The following GRK5 variants were observed in gnomAD, a reference collection of about 807,000 sequenced individuals.
The protein encoded by GRK5 is g protein-coupled receptor kinase GRK5.
A neutral mutation model predicts 78.4 loss-of-function variants in GRK5; 40 were observed. The observed-to-expected ratio is 0.51, with a 90% CI of 0.40 to 0.66. The LOEUF (loss-of-function observed/expected upper bound fraction) is 0.66. GRK5 is among the 30% of genes least tolerant of loss of function. The pLI, the probability that GRK5 is intolerant of heterozygous loss-of-function variation, is 0.00. For synonymous variants in GRK5, 289 were observed against 296.8 expected (o/e 0.97, Z 0.27); for missense variants, 598 against 759.9 (o/e 0.79, Z 2.50).
At chr10:119,285,934 T>G (rs898788296) in intron 1 of GRK5, among the ~76,000 whole-genome samples, 2 of 151,350 alleles carry the variant, frequency 1.3e-5, no homozygotes, top group Admixed American at 1.3e-4. Context: ...AAAATGGGGC[T>G]CATAACCCCT....
intron 1 of GRK5, among the ~76,000 whole-genome samples, chr10:119,226,818 TC>T (rs1848749053): frequency 6.6e-6 from 1 of 151,906 alleles, no homozygotes; most frequent in African/African-American, 2.4e-5. Flanking sequence ...TGCCTCAGCC[TC>T]CCAAAGTGCT....
chr10:119,306,639 A>T (rs902463564), intron 1 of GRK5, among the ~76,000 whole-genome samples: 66 of 152,104 alleles, frequency 4.3e-4, no homozygotes, highest in African/African-American at 1.5e-3. Flanking sequence ...GTCCCTAGTC[A>T]AGATTTGTTC....
chr10:119,406,856 C>G (rs986036601), intron 4 of GRK5, among the ~76,000 whole-genome samples: 4 of 152,244 alleles, frequency 2.6e-5, no homozygotes, highest in Non-Finnish European at 4.4e-5. Flanking sequence ...GAGGAATTCA[C>G]AAATCAAGCC....
intron 4 of GRK5, among the ~76,000 whole-genome samples, chr10:119,415,971 C>T (rs1045793621): frequency 7.9e-5 from 12 of 152,270 alleles, no homozygotes; most frequent in East Asian, 3.9e-4. Flanking sequence ...AATCTCTGAA[C>T]GAGTATCAGG....
chr10:119,334,598 G>C (rs1442602622), intron 2 of GRK5: 1 of 152,196 alleles, frequency 6.6e-6, no homozygotes, highest in African/African-American at 2.4e-5. Context: ...GATTGTTGAG[G>C]TCTGCAAATA....
chr10:119,233,356 T>C (rs1848861898), intron 1 of GRK5, among the ~76,000 whole-genome samples: 1 of 152,148 alleles, frequency 6.6e-6, no homozygotes. Context: ...CTGCTTGGCC[T>C]CAGGGATGGG....
intron 1 of GRK5, among the ~76,000 whole-genome samples, chr10:119,234,361 A>G (rs1241656844): frequency 6.6e-6 from 1 of 152,206 alleles, no homozygotes; most frequent in African/African-American, 2.4e-5. Context: ...AAAGTAGTTC[A>G]TTCTTACTCT....
Position 119,427,489 on chromosome 10 carries a change from C to T in GRK5, c.533+2404C>T, listed in dbSNP as rs1056093906. Among the ~76,000 whole-genome samples the T allele has an allele frequency of 8.6e-4, 128 of 149,476 alleles. 1 individual carries two copies. The highest frequency in any genetic ancestry group is 2.6e-3 in the African/African-American group (108 of 40,964). On this transcript the variant is annotated intron_variant, in intron 6 of 15. Transcript: ENST00000392870. ...GCATCACCACCATCATCAGCATCAC[C>T]GCCATCATCAGCATCACAGCCATCA...
At chr10:119,366,630 C>T (rs1049454270) in intron 2 of GRK5, among the ~76,000 whole-genome samples, 1 of 152,184 alleles carries the variant, frequency 6.6e-6, no homozygotes, top group African/African-American at 2.4e-5. Flanking sequence ...CCCAAAGCTG[C>T]CACAGCTTTC....
chr10:119,313,800 A>C (rs1850437445), intron 1 of GRK5, among the ~76,000 whole-genome samples: 1 of 152,130 alleles, frequency 6.6e-6, no homozygotes, highest in Non-Finnish European at 1.5e-5. Context: ...CCCCATCCCC[A>C]TGGCGACCAG....
intron 3 of GRK5, among the ~76,000 whole-genome samples, chr10:119,395,582 A>G (rs1218471074): frequency 1.3e-5 from 2 of 152,180 alleles, no homozygotes; most frequent in African/African-American, 4.8e-5. Flanking sequence ...ACAATTTGCA[A>G]TTAGCTCTTT....
intron 1 of GRK5, among the ~76,000 whole-genome samples, chr10:119,219,566 C>T (rs1026134733): frequency 4.6e-5 from 7 of 152,120 alleles, no homozygotes; most frequent in Admixed American, 2.0e-4. Flanking sequence ...GTGATATCCT[C>T]AAGAAATGGC....
chr10:119,435,444 T>C (rs371474490), intron 8 of GRK5, among the ~76,000 whole-genome samples: 7 of 152,230 alleles, frequency 4.6e-5, no homozygotes, highest in African/African-American at 1.7e-4. Flanking sequence ...TTCTGTGAGA[T>C]ACCCTAAATC....
chr10:119,441,093 G>T (rs1035351941), intron 10 of GRK5, among the ~76,000 whole-genome samples: 1 of 152,246 alleles, frequency 6.6e-6, no homozygotes, highest in Non-Finnish European at 1.5e-5. Context: ...GGTCTGCATG[G>T]GATACTGCCC....
intron 1 of GRK5, among the ~76,000 whole-genome samples, chr10:119,319,921 CCAGT>C (rs1290406802): frequency 6.6e-6 from 1 of 152,222 alleles, no homozygotes; most frequent in Non-Finnish European, 1.5e-5. Flanking sequence ...ATGCCTTTAC[CCAGT>C]CAGCCAAGTA....
intron 1 of GRK5, among the ~76,000 whole-genome samples, chr10:119,259,063 T>C (rs1235289730): frequency 9.9e-6 from 1 of 100,826 alleles, no homozygotes; most frequent in Non-Finnish European, 2.2e-5. Flanking sequence ...CTCTTTCTTT[T>C]TCTTTTTTTT....
Position 119,424,944 on chromosome 10 carries a change from T to C in GRK5, c.441-49T>C, listed in dbSNP as rs768731885. 3.7e-6 allele frequency: 5 copies of C among 1,341,444 alleles called. No individual in the cohort carries two copies. In the South Asian group the frequency reaches 5.8e-5, roughly 16 times the overall value. The allele number at this position is 1,341,444 out of a possible 1,614,324, so 83.1% of individuals were successfully genotyped here. ...CTGGACACAGCTTTGCCCCCCTGCT[T>C]GAAGATCGGGATTATAAAATGTTCA... On this transcript the variant is annotated intron_variant, in intron 5 of 15. Coordinates refer to ENST00000392870, the MANE Select transcript of GRK5 (RefSeq NM_005308.3).
Position 119,259,884 on chromosome 10 carries a change from C to T in GRK5, c.52+51915C>T, listed in dbSNP as rs189230688. Among the ~76,000 whole-genome samples the T allele has an allele frequency of 1.6e-3, 249 of 152,232 alleles. 1 individual carries two copies. The Middle Eastern group carries it at 0.02, about 12-fold the overall frequency. On this transcript the variant is annotated intron_variant, in intron 1 of 15. Transcript: ENST00000392870. ...TCTAGAACATGGGCCCAGTTTTTGG[C>T]GATTATGAATAAAGCCACTATAAGC... is the stretch of plus-strand genomic sequence containing the variant.
intron 1 of GRK5, among the ~76,000 whole-genome samples, chr10:119,282,150 A>T (rs1849772963): frequency 6.6e-6 from 1 of 151,820 alleles, no homozygotes; most frequent in African/African-American, 2.4e-5. Context: ...CCCAAGCTGC[A>T]CTCTCCAAAC....
Sources: gnomAD v4.1 joint callset for allele counts (sites outside exome capture counted in the v4.1 genomes callset) on GRCh38, gnomAD v4.1.1 for gene constraint, MANE v1.5 for transcripts, NCBI Gene and HGNC (gene_info 2026-07-23, HGNC 2026-07-21) for gene names.